ARSB: variants seen among roughly 807,000 people sequenced by gnomAD.
ARSB encodes the protein arylsulfatase B, also known as N-acetylgalactosamine-4-sulfatase.
ARSB carries 41 observed loss-of-function variants against 50.9 expected under a neutral mutation model. The ratio of observed to expected loss-of-function variants is 0.81; its 90% CI spans 0.63 to 1.04. ARSB has a LOEUF of 1.04. ARSB is among the 50% of genes least tolerant of loss of function. The pLI is 0.00. For missense variants in ARSB, 672 were observed against 693.3 expected, an observed-to-expected ratio of 0.97 and a Z score of 0.35; for synonymous variants, 269 against 284.8, an observed-to-expected ratio of 0.94 and a Z score of 0.56.
chr5:78,786,863 T>C (rs920661992), intron 6 of ARSB, among the ~76,000 whole-genome samples: 30 of 152,290 alleles, frequency 2.0e-4, no homozygotes, highest in African/African-American at 6.7e-4. Flanking sequence ...CACTCCAGCC[T>C]TCCAAAGTGC....
intron 5 of ARSB, among the ~76,000 whole-genome samples, chr5:78,854,054 G>A (rs1746011603): frequency 6.6e-6 from 1 of 152,232 alleles, no homozygotes; most frequent in African/African-American, 2.4e-5. Flanking sequence ...TGCGCATGGT[G>A]CGCTGCACCC....
chr5:78,785,858 T>C (rs1749066038), intron 6 of ARSB, among the ~76,000 whole-genome samples: 1 of 152,202 alleles, frequency 6.6e-6, no homozygotes. Flanking sequence ...AGTTCATAAA[T>C]GCAAGGAGTA....
intron 6 of ARSB, among the ~76,000 whole-genome samples, chr5:78,814,326 T>C (rs183374331): frequency 4.6e-5 from 7 of 151,152 alleles, no homozygotes; most frequent in African/African-American, 1.5e-4. Context: ...AATCTCTTTT[T>C]ACATGCACAT....
At chr5:78,814,717 C>G (rs1468723716) in intron 6 of ARSB, among the ~76,000 whole-genome samples, 2 of 150,794 alleles carry the variant, frequency 1.3e-5, no homozygotes, top group African/African-American at 2.5e-5. Flanking sequence ...TACGGTCTTA[C>G]AGGACAAAGA....
At chr5:78,880,439 A>AT (rs1474883255) in intron 5 of ARSB, among the ~76,000 whole-genome samples, 1 of 152,196 alleles carries the variant, frequency 6.6e-6, no homozygotes, top group African/African-American at 2.4e-5. Flanking sequence ...ACATGCTATT[A>AT]TGTCCTTATG....
chr5:78,879,713 C>T (rs1247602595), intron 5 of ARSB, among the ~76,000 whole-genome samples: 3 of 152,246 alleles, frequency 2.0e-5, no homozygotes, highest in Non-Finnish European at 4.4e-5. Flanking sequence ...GGAAAAGACA[C>T]AACAGACGTC....
chr5:78,876,144 A>C (rs1747466193), intron 5 of ARSB, among the ~76,000 whole-genome samples: 1 of 151,978 alleles, frequency 6.6e-6, no homozygotes, highest in South Asian at 2.1e-4. Flanking sequence ...TGTTGGTAAC[A>C]TTAAACATAA....
At chr5:78,966,098 C>A (rs1271354175) in intron 2 of ARSB, among the ~76,000 whole-genome samples, 1 of 152,214 alleles carries the variant, frequency 6.6e-6, no homozygotes, top group Non-Finnish European at 1.5e-5. Context: ...ACTTCAGGTT[C>A]TTTAACTGTT....
rs1262530164 is a variant in ARSB, at chr5:78,964,403, A to C, written c.690+13T>G. 1 of 1,612,412 alleles carries C rather than the reference A, an allele frequency of 6.2e-7. No individual in the cohort carries two copies. On this transcript the variant is annotated intron_variant, in intron 3 of 7. Transcript: ENST00000264914. ...ACAAGATTTTGCTATCAGTAAATAGAAGCAAAACTTACCTTCTCTGGTGGA... is the reference window on the plus strand; with the variant it reads ...ACAAGATTTTGCTATCAGTAAATAGCAGCAAAACTTACCTTCTCTGGTGGA...
rs542045136 is a variant in ARSB, at chr5:78,835,357, C to G, written c.1213+3999G>C. 1.1e-4 allele frequency among the ~76,000 whole-genome samples: 16 copies of G among 152,128 alleles called. No individual in the cohort carries two copies. In the East Asian group the frequency reaches 2.9e-3, roughly 28 times the overall value. On this transcript the variant is annotated intron_variant, in intron 6 of 7. Coordinates refer to ENST00000264914, the MANE Select transcript of ARSB (RefSeq NM_000046.5). ...GGTGTAGCTGCTGAAATCCAAGAGG[C>G]CAGCTTCTGGGAGCATGTGGTGCTA... is the stretch of plus-strand genomic sequence containing the variant.
intron 4 of ARSB, among the ~76,000 whole-genome samples, chr5:78,913,121 C>CTTT (rs11440743): frequency 1.5e-4 from 21 of 140,058 alleles, no homozygotes; most frequent in East Asian, 4.2e-4. Context: ...TTTTAATTCG[C>CTTT]TTTTTTTTTT....
chr5:78,891,469 T>C (rs1358089731), intron 4 of ARSB, among the ~76,000 whole-genome samples: 1 of 152,168 alleles, frequency 6.6e-6, no homozygotes, highest in Non-Finnish European at 1.5e-5. Context: ...CTTTAACACA[T>C]CTTTCTTGAG....
intron 5 of ARSB, among the ~76,000 whole-genome samples, chr5:78,867,330 C>A (rs566172709): frequency 0.051 from 7,804 of 151,700 alleles, 635 homozygotes; most frequent in African/African-American, 0.18. Context: ...CTCAAGGAGG[C>A]CTGCCTGCCT....
Position 78,839,378 on chromosome 5 carries a change from C to G in ARSB, c.1191G>C (p.Pro397=). 3 of 1,613,450 alleles carry G rather than the reference C, an allele frequency of 1.9e-6. No homozygotes were observed. The highest frequency in any genetic ancestry group is 2.5e-6 in the Non-Finnish European group (3 of 1,179,678). Reference sequence around the variant, plus strand: ...CACACGGTGAAGAGTCCACGAAGTTCGGGTCAATATTATGCAGCAGCTCAA... The same window carrying G: ...CACACGGTGAAGAGTCCACGAAGTTGGGGTCAATATTATGCAGCAGCTCAA... ...PRIELLHNID[P]NFVDSSPCPR... is the part of the protein sequence containing the mutation. The change falls in exon 6 of 8, where the codon CCG becomes CCC. Residue 397 remains proline, a synonymous_variant. Transcript: ENST00000264914.
intron 5 of ARSB, among the ~76,000 whole-genome samples, chr5:78,869,163 C>G (rs1269226987): frequency 4.4e-5 from 6 of 137,898 alleles, no homozygotes; most frequent in Non-Finnish European, 9.4e-5. Flanking sequence ...ATTCATAAAG[C>G]AAGTCCTGAG....
chr5:78,854,651 T>C (rs568984683), intron 5 of ARSB, among the ~76,000 whole-genome samples: 1 of 152,312 alleles, frequency 6.6e-6, no homozygotes. Context: ...CTTTCTCCTT[T>C]GTGCATCTGC....
At chr5:78,869,719 C>G (rs1457022764) in intron 5 of ARSB, among the ~76,000 whole-genome samples, 2 of 148,716 alleles carry the variant, frequency 1.3e-5, no homozygotes, top group Non-Finnish European at 3.0e-5. Flanking sequence ...CAGGAAAGAT[C>G]CAAAATTGAC....
At chr5:78,812,152 G>A (rs1743830469) in intron 6 of ARSB, among the ~76,000 whole-genome samples, 1 of 152,166 alleles carries the variant, frequency 6.6e-6, no homozygotes, top group Non-Finnish European at 1.5e-5. Context: ...ACTTGGAAAT[G>A]GGAAAGTACA....
intron 6 of ARSB, among the ~76,000 whole-genome samples, chr5:78,838,038 T>C (rs182403312): frequency 1.3e-5 from 2 of 152,324 alleles, no homozygotes; most frequent in East Asian, 3.9e-4. Context: ...AGTCATCAAG[T>C]AATCATTACT....
Sources: allele counts gnomAD v4.1 joint callset (sites outside exome capture counted in the v4.1 genomes callset), GRCh38; gene constraint gnomAD v4.1.1; transcripts MANE v1.5; gene names NCBI Gene and HGNC (gene_info 2026-07-23, HGNC 2026-07-21).